SLC6A18: variants seen among roughly 807,000 people sequenced by gnomAD.
SLC6A18 encodes the protein inactive sodium-dependent neutral amino acid transporter B(0)AT3.
A neutral mutation model predicts 62.9 loss-of-function variants in SLC6A18; 58 were observed. The ratio of observed to expected loss-of-function variants is 0.92; its 90% CI spans 0.75 to 1.15. The LOEUF is 1.15. Ranked by LOEUF, SLC6A18 falls within the 50% of genes most tolerant of loss-of-function variation. The pLI is 0.00. For synonymous variants in SLC6A18, 382 were observed against 365.8 expected, an observed-to-expected ratio of 1.04 and a Z score of -0.51; for missense variants, 793 against 836.6, an observed-to-expected ratio of 0.95 and a Z score of 0.64.
chr5:1,236,545 G>A (rs1046641528), intron 4 of SLC6A18, among the ~76,000 whole-genome samples: 13 of 152,212 alleles, frequency 8.5e-5, no homozygotes, highest in East Asian at 7.7e-4. Context: ...TGAGCCTCCT[G>A]CTTGCCTGGA....
chr5:1,228,601 C>T (rs924178732), intron 1 of SLC6A18, among the ~76,000 whole-genome samples: 9 of 152,238 alleles, frequency 5.9e-5, no homozygotes, highest in African/African-American at 1.7e-4. Context: ...TTCCCGTCTT[C>T]GGCAGACACC....
chr5:1,227,792 G>A (rs1464590445), intron 1 of SLC6A18, among the ~76,000 whole-genome samples: 5 of 152,198 alleles, frequency 3.3e-5, no homozygotes, highest in Non-Finnish European at 5.9e-5. Context: ...CACATTCAGC[G>A]TCTTTAAATC....
chr5:1,246,158 C>CCGACCCCAATACACCCG lies in SLC6A18; in HGVS notation c.*95_*96insCGCGACCCCAATACACC. The CCGACCCCAATACACCCG allele has an allele frequency of 8.9e-7, 1 of 1,129,830 alleles. No individual in the cohort carries two copies. 70.0% of individuals were successfully genotyped at this position (1,129,830 alleles called of 1,614,324 possible). ...GGTGGGCGGGGCCCCGCCCACAGGGCCGACCCCAATACACCAGCGACTCAA... is the reference window on the plus strand; with the variant it reads ...GGTGGGCGGGGCCCCGCCCACAGGGCCGACCCCAATACACCCGCGACCCCAATACACCAGCGACTCAA... On this transcript the variant is annotated 3_prime_UTR_variant, in exon 12 of 12. Transcript: ENST00000324642.
Position 1,225,474 on chromosome 5 carries a change from C to T in SLC6A18, c.-4C>T. ...TGCCCTGAAGCCTGGGGCACTCAGTCACCATGGCTCATGCCCCAGAACCGG... is the reference window on the plus strand; with the variant it reads ...TGCCCTGAAGCCTGGGGCACTCAGTTACCATGGCTCATGCCCCAGAACCGG... On this transcript the variant is annotated 5_prime_UTR_variant, in exon 1 of 12. Coordinates refer to ENST00000324642, the MANE Select transcript of SLC6A18 (RefSeq NM_182632.3). 6.2e-7 allele frequency: 1 copy of T among 1,610,258 alleles called. No individual in the cohort carries two copies. The highest frequency in any genetic ancestry group is 8.5e-7 in the Non-Finnish European group (1 of 1,178,648).
chr5:1,232,743 G>A lies in SLC6A18; in HGVS notation c.302-8G>A, dbSNP rs1470495972. 6.2e-7 allele frequency: 1 copy of A among 1,607,732 alleles called. No homozygotes were observed. The highest frequency in any genetic ancestry group is 1.3e-5 in the African/African-American group (1 of 74,764). On this transcript the variant is annotated splice_polypyrimidine_tract_variant and splice_region_variant and intron_variant, in intron 2 of 11. Coordinates refer to ENST00000324642, the MANE Select transcript of SLC6A18 (RefSeq NM_182632.3). ...CCCGGGGCCACCTGACATGGTCCCT[G>A]TCCACAGGGCTGGGCTGTGTCACGC... is the stretch of plus-strand genomic sequence containing the variant.
Position 1,245,843 on chromosome 5 carries a change from C to T in SLC6A18, c.1657-5C>T, listed in dbSNP as rs758351247. On this transcript the variant is annotated splice_polypyrimidine_tract_variant and splice_region_variant and intron_variant, in intron 11 of 11. Transcript: ENST00000324642. ...GCGCCAGCTAATGAGGCTGTGGTCC[C>T]GCAGGAGCTGTTCCCCTCGCGTCAG... The T allele has an allele frequency of 6.2e-6, 10 of 1,604,352 alleles. No homozygotes were observed. Among genetic ancestry groups the T allele is most frequent in the Middle Eastern group, 1.7e-4 (1 of 6,056 alleles).
intron 1 of SLC6A18, among the ~76,000 whole-genome samples, chr5:1,231,500 C>T (rs1038141466): frequency 6.6e-6 from 1 of 152,282 alleles, no homozygotes; most frequent in East Asian, 1.9e-4. Context: ...CCAGGAGAGA[C>T]CGCCAGCCGC....
chr5:1,237,988 G>A lies in SLC6A18; in HGVS notation c.660G>A (p.Leu220=). 1 of 1,614,214 alleles carries A rather than the reference G, an allele frequency of 6.2e-7. No homozygotes were observed. The highest frequency in any genetic ancestry group is 8.5e-7 in the Non-Finnish European group (1 of 1,180,028). The change falls in exon 5 of 12, where the codon CTG becomes CTA. Residue 220 remains leucine (L), a synonymous_variant. Transcript: ENST00000324642. ...YFTALFPYLV[L]TIFLIRGLTL... ...CAGCTTTGTTCCCTTACCTGGTCCT[G>A]ACCATCTTTCTCATCAGAGGGCTGA...
intron 4 of SLC6A18, 91 bp from the exon 5 acceptor site, chr5:1,237,859 A>G (rs1045236858): frequency 1.0e-6 from 1 of 974,684 alleles, no homozygotes; most frequent in Non-Finnish European, 1.6e-6. Context: ...TCTGACCACA[A>G]GGGCGGTGTC....
chr5:1,226,973 C>CCTTGCCCACCGAT (rs1746590211), intron 1 of SLC6A18, among the ~76,000 whole-genome samples: 2 of 101,930 alleles, frequency 2.0e-5, no homozygotes, highest in Non-Finnish European at 4.2e-5. Context: ...TGCCCACCGA[C>CCTTGCCCACCGAT]GCCTTGCCCA....
At position 1,243,938 on chromosome 5, in the gene SLC6A18, G is replaced by A. The variant is rs1747139998; in HGVS notation, c.1336+179G>A. 6.6e-6 allele frequency among the ~76,000 whole-genome samples: 1 copy of A among 152,186 alleles called. No homozygotes were observed. The highest frequency in any genetic ancestry group is 1.5e-5 in the Non-Finnish European group (1 of 68,012). ...CCATCAACGGAGAGCCGAGGGTCGA[G>A]GGAGGGTCAGGGCTGCCCCTCCCCC... is the stretch of plus-strand genomic sequence containing the variant. On this transcript the variant is annotated intron_variant, in intron 9 of 11. Coordinates refer to ENST00000324642, the MANE Select transcript of SLC6A18 (RefSeq NM_182632.3). The surrounding 1 kb of genome is among the most constrained non-coding windows in gnomAD (Gnocchi z 6.5).
intron 4 of SLC6A18, among the ~76,000 whole-genome samples, chr5:1,236,543 C>T (rs114521790): frequency 0.01 from 1,533 of 152,330 alleles, 27 homozygotes; most frequent in African/African-American, 0.035. Context: ...CCTGAGCCTC[C>T]TGCTTGCCTG....
chr5:1,232,994 G>A (rs547444983), intron 3 of SLC6A18, 106 bp downstream of exon 3: 49 of 1,461,440 alleles, frequency 3.4e-5, no homozygotes, highest in Admixed American at 3.3e-4. Flanking sequence ...TGCTCACCGC[G>A]GGGGGAGGGC....
chr5:1,246,037 C>G lies in SLC6A18; in HGVS notation c.1846C>G (p.Arg616Gly), dbSNP rs1340420132. Residue 616 changes from arginine (R) to glycine (G), a missense_variant, in exon 12 of 12, where the codon CGC becomes GGC. Transcript: ENST00000324642. The part of the protein sequence containing the change: ...DTDMRPDTDT[R>G]PDTDMRPDTD... ...GGACATGCGCCCGGACACGGACACG[C>G]GCCCAGACACGGACATGCGCCCGGA... 4 of 1,593,198 alleles carry G rather than the reference C, an allele frequency of 2.5e-6. No individual in the cohort carries two copies. In the South Asian group the frequency reaches 4.5e-5, roughly 18 times the overall value.
intron 4 of SLC6A18, among the ~76,000 whole-genome samples, chr5:1,236,438 C>T (rs1009173556): frequency 7.2e-5 from 11 of 152,208 alleles, no homozygotes; most frequent in East Asian, 1.9e-4. Context: ...TTTAAACAAG[C>T]GATTATCTTT....
chr5:1,239,656 G>A, intron 6 of SLC6A18, 94 bp downstream of exon 6: 1 of 991,190 alleles, frequency 1.0e-6, no homozygotes, highest in East Asian at 2.4e-5. Flanking sequence ...ATCCAAGGGT[G>A]GCCTTGTGTG....
rs1386473410 is a variant in SLC6A18 at position 1,232,335 on chromosome 5, A to G, written c.277A>G (p.Ile93Val). ...GGGCAGCGTCGGCGTGTGGACGGCCATCTCCCCGTACCTCAGTGGAGTAGG... is the reference window on the plus strand; with the variant it reads ...GGGCAGCGTCGGCGTGTGGACGGCCGTCTCCCCGTACCTCAGTGGAGTAGG... ...RKGSVGVWTAISPYLSGVGLG... is the reference protein window; with the variant it reads ...RKGSVGVWTAVSPYLSGVGLG... Residue 93 changes from isoleucine to valine, a missense_variant, in exon 2 of 12, where the codon ATC (isoleucine) becomes GTC (valine). Transcript: ENST00000324642. 5 of 1,611,474 alleles carry G rather than the reference A, an allele frequency of 3.1e-6. No individual in the cohort carries two copies. The highest frequency in any genetic ancestry group is 4.2e-6 in the Non-Finnish European group (5 of 1,179,692).
rs1234906572 is a variant in SLC6A18 at position 1,238,007 on chromosome 5, G to C, written c.679G>C (p.Gly227Arg). 6.2e-7 allele frequency: 1 copy of C among 1,614,104 alleles called. No individual in the cohort carries two copies. Among genetic ancestry groups the C allele is most frequent in the East Asian group, 2.2e-5 (1 of 44,902 alleles). Residue 227 changes from glycine to arginine, a missense_variant, in exon 5 of 12, where the codon GGG (glycine) becomes CGG (arginine). By Grantham distance (125) the Gly-to-Arg change is moderately radical. Coordinates refer to ENST00000324642, the MANE Select transcript of SLC6A18 (RefSeq NM_182632.3). ...YLVLTIFLIR[G>R]LTLPGATKGL... Reference sequence around the variant, plus strand: ...GGTCCTGACCATCTTTCTCATCAGAGGGCTGACCCTGCCAGGGGCAACAAA... The same window carrying C: ...GGTCCTGACCATCTTTCTCATCAGACGGCTGACCCTGCCAGGGGCAACAAA...
intron 3 of SLC6A18, among the ~76,000 whole-genome samples, chr5:1,234,900 G>C (rs966025869): frequency 6.6e-6 from 1 of 152,232 alleles, no homozygotes; most frequent in African/African-American, 2.4e-5. Flanking sequence ...TTCCATGAGG[G>C]GCCCCCCACA....
Sources: allele counts gnomAD v4.1 joint callset (sites outside exome capture counted in the v4.1 genomes callset), GRCh38; gene constraint gnomAD v4.1.1; non-coding constraint Gnocchi (gnomAD v3.1); transcripts MANE v1.5; gene names NCBI Gene and HGNC (gene_info 2026-07-23, HGNC 2026-07-21).